PCDHGA1: variants seen among roughly 807,000 people sequenced by gnomAD.
PCDHGA1 encodes the protein protocadherin gamma-A1.
PCDHGA1 carries 32 observed loss-of-function variants against 58.0 expected under a neutral mutation model. That is an observed-to-expected ratio of 0.55 (90% confidence interval 0.42 to 0.74). The LOEUF (loss-of-function observed/expected upper bound fraction) is 0.74. Ranked by LOEUF, PCDHGA1 falls within the 30% of genes least tolerant of loss-of-function variation. The pLI is 0.00. For synonymous variants in PCDHGA1, 498 were observed against 501.1 expected, an observed-to-expected ratio of 0.99 and a Z score of 0.08; for missense variants, 1,205 against 1,182.3, an observed-to-expected ratio of 1.02 and a Z score of -0.28.
chr5:141,487,921 A>G lies in PCDHGA1; in HGVS notation c.2422-6886A>G, dbSNP rs17097340. On this transcript the variant is annotated intron_variant, in intron 1 of 3. Coordinates refer to ENST00000517417, the MANE Select transcript of PCDHGA1 (RefSeq NM_018912.3). This position sits in a 1 kb window ranked among gnomAD's most constrained non-coding sequence, Gnocchi z 5.0. ...GGAATGTGGGAGCACAGGAGGCTAC[A>G]GTGCACAGGGTACAGTGCACCAGGC... 0.15 allele frequency: 93,556 copies of G among 639,124 alleles called. 7,160 individuals carry two copies. The highest frequency in any genetic ancestry group is 0.21 in the African/African-American group (11,270 of 54,532). 39.6% of individuals were successfully genotyped at this position (639,124 alleles called of 1,614,324 possible).
intron 1 of PCDHGA1, chr5:141,385,052 G>T (rs559398944): frequency 1.2e-6 from 2 of 1,614,152 alleles, no homozygotes; most frequent in South Asian, 2.2e-5. Context: ...AGGCTGCGGC[G>T]CTGGCACAAG....
intron 1 of PCDHGA1, among the ~76,000 whole-genome samples, chr5:141,434,742 G>A (rs1177333213): frequency 6.6e-6 from 1 of 151,500 alleles, no homozygotes; most frequent in Non-Finnish European, 1.5e-5. Context: ...TGAAGGCTAT[G>A]AGACCCCTGA....
At position 141,340,936 on chromosome 5, in the gene PCDHGA1, C is replaced by T. The variant is rs771072942; in HGVS notation, c.2421+7831C>T. On this transcript the variant is annotated intron_variant, in intron 1 of 3. Coordinates refer to ENST00000517417, the MANE Select transcript of PCDHGA1 (RefSeq NM_018912.3). ...AGGACCACGGCCAGCCCCCTCTCTC[C>T]GCCACTGTCACGCTCACCGTGGCCG... is the stretch of plus-strand genomic sequence containing the variant. The T allele has an allele frequency of 3.1e-6, 5 of 1,613,770 alleles. No homozygotes were observed. In the Admixed American group the frequency reaches 6.7e-5, roughly 22 times the overall value.
intron 1 of PCDHGA1, chr5:141,351,894 G>A (rs146243220): frequency 6.2e-7 from 1 of 1,613,426 alleles, no homozygotes; most frequent in Non-Finnish European, 8.5e-7. Flanking sequence ...GTGAGCCTGC[G>A]CGTGTTGGTG....
At chr5:141,419,567 G>A in intron 1 of PCDHGA1, 1 of 1,611,758 alleles carries the variant, frequency 6.2e-7, no homozygotes, top group Non-Finnish European at 8.5e-7. Context: ...GCTGGGTCCC[G>A]ACGGCTCCGC....
At chr5:141,339,743 GGCAC>G in intron 1 of PCDHGA1, 1 of 1,614,080 alleles carries the variant, frequency 6.2e-7, no homozygotes, top group Non-Finnish European at 8.5e-7. Context: ...TACGCTCGTG[GGCAC>G]CCGGATACTC....
intron 1 of PCDHGA1, chr5:141,342,490 A>G (rs1041642799): frequency 6.6e-6 from 1 of 152,188 alleles, no homozygotes; most frequent in African/African-American, 2.4e-5. Flanking sequence ...CCTTTTATTG[A>G]ATGATACCAT....
intron 1 of PCDHGA1, chr5:141,427,495 C>T: frequency 1.8e-6 from 1 of 562,648 alleles, no homozygotes; most frequent in South Asian, 1.5e-5. Flanking sequence ...AAGCTTGTAA[C>T]AGATGGGACC....
chr5:141,486,688 C>G lies in PCDHGA1; in HGVS notation c.2422-8119C>G, dbSNP rs748605515. On this transcript the variant is annotated intron_variant, in intron 1 of 3. Coordinates refer to ENST00000517417, the MANE Select transcript of PCDHGA1 (RefSeq NM_018912.3). This position sits in a 1 kb window ranked among gnomAD's most constrained non-coding sequence, Gnocchi z 5.0. ...CCAGGAATCGAGATGTATCAGCTTCCTCTTTCATCTCTCTGAACCCCCAGA... is the reference window on the plus strand; with the variant it reads ...CCAGGAATCGAGATGTATCAGCTTCGTCTTTCATCTCTCTGAACCCCCAGA... The G allele has an allele frequency of 1.2e-6, 2 of 1,614,170 alleles. No homozygotes were observed. The highest frequency in any genetic ancestry group is 8.5e-7 in the Non-Finnish European group (1 of 1,180,044).
chr5:141,450,489 CTGTT>C (rs1372781820), intron 1 of PCDHGA1, among the ~76,000 whole-genome samples: 4 of 150,280 alleles, frequency 2.7e-5, no homozygotes, highest in Non-Finnish European at 2.9e-5. Context: ...GTTTGTTTGT[CTGTT>C]TGTTTGTTTT....
intron 1 of PCDHGA1, chr5:141,360,972 CTCCTT>C: frequency 6.2e-7 from 1 of 1,613,868 alleles, no homozygotes; most frequent in Non-Finnish European, 8.5e-7. Flanking sequence ...AGATCACCTA[CTCCTT>C]TCATAATGTG....
chr5:141,373,998 T>C lies in PCDHGA1; in HGVS notation c.2421+40893T>C, dbSNP rs934719638. On this transcript the variant is annotated intron_variant, in intron 1 of 3. Transcript: ENST00000517417. ...TCCGGTCTCTGCTTGTTGAAGGACC[T>C]TCACCGCTATTTCTGAGAAGAGCAA... The C allele has an allele frequency of 2.4e-5, 31 of 1,299,320 alleles. No homozygotes were observed. The African/African-American group carries it at 4.6e-4, about 19-fold the overall frequency. The allele number at this position is 1,299,320 out of a possible 1,614,324, so 80.5% of individuals were successfully genotyped here. A position where few individuals can be genotyped will look rare whatever the true frequency, so the allele number is the denominator to read the frequency against.
intron 1 of PCDHGA1, chr5:141,340,270 C>A: frequency 6.2e-7 from 1 of 1,614,130 alleles, no homozygotes; most frequent in East Asian, 2.2e-5. Context: ...CCTCCCTGTC[C>A]ACGGATGCTC....
intron 2 of PCDHGA1, among the ~76,000 whole-genome samples, chr5:141,500,421 G>A (rs1247202322): frequency 6.6e-6 from 1 of 151,852 alleles, no homozygotes; most frequent in Non-Finnish European, 1.5e-5. Flanking sequence ...GTGTTAGCCA[G>A]GATGGTCTCG....
chr5:141,410,540 G>C (rs1301173391), intron 1 of PCDHGA1: 1 of 1,613,702 alleles, frequency 6.2e-7, no homozygotes. Context: ...TGAAGACATG[G>C]TTTGCAGTGT....
intron 1 of PCDHGA1, among the ~76,000 whole-genome samples, chr5:141,433,594 G>A (rs1331681563): frequency 1.3e-5 from 2 of 152,086 alleles, no homozygotes; most frequent in Admixed American, 1.3e-4. Context: ...CCAGTACTTT[G>A]GGAGGCCGAG....
rs528604971 is a variant in PCDHGA1, at chr5:141,346,171, C to A, written c.2421+13066C>A. 28 of 1,614,056 alleles carry A rather than the reference C, an allele frequency of 1.7e-5. No individual in the cohort carries two copies. The highest frequency in any genetic ancestry group is 2.3e-5 in the Non-Finnish European group (27 of 1,179,950). On this transcript the variant is annotated intron_variant, in intron 1 of 3. Transcript: ENST00000517417. Reference sequence around the variant, plus strand: ...CTGGCCTTCGTCATCGTGCTGCTGGCGCTCAGGCTGCGGCGCTGGCACAAG... The same window carrying A: ...CTGGCCTTCGTCATCGTGCTGCTGGAGCTCAGGCTGCGGCGCTGGCACAAG...
At chr5:141,407,980 C>G in intron 1 of PCDHGA1, 1 of 760,358 alleles carries the variant, frequency 1.3e-6, no homozygotes, top group Non-Finnish European at 2.0e-6. Flanking sequence ...CGCCGGGGAT[C>G]CGTCAGCCTC....
chr5:141,400,776 G>A (rs1461818790), intron 1 of PCDHGA1: 9 of 557,602 alleles, frequency 1.6e-5, no homozygotes, highest in Middle Eastern at 4.6e-4. Context: ...CATTTGGTGC[G>A]TTTTTTTGTC....
Sources: allele counts gnomAD v4.1 joint callset (sites outside exome capture counted in the v4.1 genomes callset), GRCh38; gene constraint gnomAD v4.1.1; non-coding constraint Gnocchi (gnomAD v3.1); transcripts MANE v1.5; gene names NCBI Gene and HGNC (gene_info 2026-07-23, HGNC 2026-07-21).